The following BCL9 variants were observed in gnomAD, a reference collection of about 807,000 sequenced individuals.
The protein encoded by BCL9 is BCL9 transcription coactivator.
A neutral mutation model predicts 88.5 loss-of-function variants in BCL9; 25 were observed. The observed-to-expected ratio is 0.28, with a 90% CI of 0.21 to 0.39. BCL9 has a LOEUF of 0.39. BCL9 is among the 10% of genes least tolerant of loss of function. BCL9 has a pLI of 1.00. For missense variants in BCL9, 1,817 were observed against 1,877.8 expected, an observed-to-expected ratio of 0.97 and a Z score of 0.60; for synonymous variants, 711 against 673.3, an observed-to-expected ratio of 1.06 and a Z score of -0.87.
intron 1 of BCL9, among the ~76,000 whole-genome samples, chr1:147,569,698 C>T (rs587705164): frequency 1.4e-4 from 21 of 151,988 alleles, no homozygotes; most frequent in South Asian, 8.3e-4. Flanking sequence ...TCTTACAGTA[C>T]TTTGGAATAG....
At chr1:147,590,843 C>G (rs1466099455) in intron 1 of BCL9, among the ~76,000 whole-genome samples, 1 of 152,158 alleles carries the variant, frequency 6.6e-6, no homozygotes, top group Non-Finnish European at 1.5e-5. Flanking sequence ...GATTATTATG[C>G]CCATTATTAT....
intron 1 of BCL9, among the ~76,000 whole-genome samples, chr1:147,555,409 C>A (rs1655062268): frequency 6.6e-6 from 1 of 152,202 alleles, no homozygotes; most frequent in South Asian, 2.1e-4. Context: ...TGTAAGAGAT[C>A]ATCTTGTTTG....
chr1:147,568,668 T>C (rs1655725239), intron 1 of BCL9, among the ~76,000 whole-genome samples: 1 of 152,116 alleles, frequency 6.6e-6, no homozygotes, highest in Admixed American at 6.5e-5. Context: ...TCTTATCTGC[T>C]TCCCTCCCTC....
At chr1:147,565,943 A>G (rs1040408188) in intron 1 of BCL9, among the ~76,000 whole-genome samples, 9 of 152,126 alleles carry the variant, frequency 5.9e-5, no homozygotes, top group African/African-American at 1.7e-4. Flanking sequence ...TAGATAACCA[A>G]CACAATACTT....
chr1:147,552,141 G>A (rs1354510690), intron 1 of BCL9, among the ~76,000 whole-genome samples: 1 of 152,162 alleles, frequency 6.6e-6, no homozygotes, highest in Non-Finnish European at 1.5e-5. Context: ...AATTAATTTG[G>A]TGGTGAAGGG....
Position 147,623,931 on chromosome 1 carries a change from C to G in BCL9, c.3253C>G (p.Pro1085Ala), listed in dbSNP as rs1553205920. The G allele has an allele frequency of 1.2e-6, 2 of 1,614,212 alleles. No individual in the cohort carries two copies. The highest frequency in any genetic ancestry group is 2.2e-5 in the South Asian group (2 of 91,088). The change falls in exon 10 of 10, where the codon CCA becomes GCA. Residue 1085 changes from proline to alanine, a missense_variant. Physicochemically the swap from Pro to Ala is conservative, Grantham distance 27. Around this residue, in one of 2 missense-constraint regions of BCL9, gnomAD observed 589 missense variants for 686.2 expected, o/e 0.86. Coordinates refer to ENST00000234739, the MANE Select transcript of BCL9 (RefSeq NM_004326.4). ...CCTCAGCCCAATGGGAATGACCCAG[C>G]CACTTTCTCACTCCAATCAGATGCC... ...PTLSPMGMTQ[P>A]LSHSNQMPSP...
At chr1:147,559,526 C>T (rs1414785980) in intron 1 of BCL9, among the ~76,000 whole-genome samples, 1 of 152,152 alleles carries the variant, frequency 6.6e-6, no homozygotes, top group African/African-American at 2.4e-5. Context: ...ACAGAATTTC[C>T]CTGTTTGTTA....
chr1:147,587,024 T>TTATCTC (rs1656637554), intron 1 of BCL9, among the ~76,000 whole-genome samples: 1 of 147,668 alleles, frequency 6.8e-6, no homozygotes, highest in Non-Finnish European at 1.5e-5. Context: ...TTCTCTCTCT[T>TTATCTC]TCTCTCTCTC....
intron 1 of BCL9, among the ~76,000 whole-genome samples, chr1:147,578,988 C>G (rs1656233079): frequency 6.6e-6 from 1 of 152,066 alleles, no homozygotes; most frequent in Non-Finnish European, 1.5e-5. Flanking sequence ...GTCTCAGTCT[C>G]CCAAGCAGCT....
intron 5 of BCL9, 80 bp from the exon 6 acceptor site, chr1:147,614,347 G>T (rs1553203295): frequency 7.1e-7 from 1 of 1,404,570 alleles, no homozygotes; most frequent in African/African-American, 1.4e-5. Context: ...CTCAAGGTGG[G>T]TTTGTGTTGT....
At chr1:147,541,927 T>G (rs1209624173) in intron 1 of BCL9, among the ~76,000 whole-genome samples, 3 of 118,996 alleles carry the variant, frequency 2.5e-5, no homozygotes, top group Admixed American at 9.2e-5. Flanking sequence ...GAGGAGGGTG[T>G]GAGGGTGGGA....
intron 4 of BCL9, 117 bp downstream of exon 4, chr1:147,612,006 A>T: frequency 9.5e-7 from 1 of 1,050,804 alleles, no homozygotes; most frequent in East Asian, 2.5e-5. Context: ...CCAAATGGGA[A>T]AGGAAGAGAA....
intron 1 of BCL9, among the ~76,000 whole-genome samples, chr1:147,587,365 T>C (rs940425911): frequency 6.6e-6 from 1 of 152,206 alleles, no homozygotes; most frequent in African/African-American, 2.4e-5. Flanking sequence ...AATGCACGCA[T>C]GAATGAATCT....
chr1:147,568,565 C>T (rs1240355825), intron 1 of BCL9, among the ~76,000 whole-genome samples: 1 of 150,668 alleles, frequency 6.6e-6, no homozygotes, highest in African/African-American at 2.4e-5. Context: ...GTACACCTAC[C>T]GAGGGGGATT....
intron 7 of BCL9, among the ~76,000 whole-genome samples, chr1:147,616,797 G>A (rs1658307184): frequency 6.6e-6 from 1 of 151,278 alleles, no homozygotes; most frequent in Non-Finnish European, 1.5e-5. Context: ...TACAGTGGAT[G>A]TTTTAATGCA....
chr1:147,560,447 G>A (rs1217647646), intron 1 of BCL9, among the ~76,000 whole-genome samples: 1 of 151,862 alleles, frequency 6.6e-6, no homozygotes, highest in African/African-American at 2.4e-5. Flanking sequence ...AAAATTAGCT[G>A]GGCTTGGTGG....
In BCL9 at chr1:147,619,962, C is replaced by A; in HGVS notation, c.1807C>A (p.Arg603=). 6.2e-7 allele frequency: 1 copy of A among 1,614,138 alleles called. No individual in the cohort carries two copies. The highest frequency in any genetic ancestry group is 1.3e-5 in the African/African-American group (1 of 75,048). Residue 603 remains arginine, a synonymous_variant, in exon 8 of 10, where the codon CGA becomes AGA. Coordinates refer to ENST00000234739, the MANE Select transcript of BCL9 (RefSeq NM_004326.4). The surrounding 1 kb of genome is among the most constrained non-coding windows in gnomAD (Gnocchi z 4.1). ...PDDVPKIPDG[R]NFPPGQGIFS... is the part of the protein sequence containing the mutation. ...TGATGTGCCAAAAATCCCAGATGGT[C>A]GAAATTTTCCTCCTGGCCAGGGCAT...
chr1:147,599,525 G>A, intron 1 of BCL9, among the ~76,000 whole-genome samples: 1 of 152,070 alleles, frequency 6.6e-6, no homozygotes, highest in Non-Finnish European at 1.5e-5. Context: ...GACTGCGCGA[G>A]GCGGCGGGAA....
chr1:147,562,902 A>C (rs1655441766), intron 1 of BCL9, among the ~76,000 whole-genome samples: 1 of 152,220 alleles, frequency 6.6e-6, no homozygotes, highest in African/African-American at 2.4e-5. Flanking sequence ...GCGTGGTGGA[A>C]GCCCTACAGG....
Sources: gnomAD v4.1 joint callset for allele counts (sites outside exome capture counted in the v4.1 genomes callset) on GRCh38, gnomAD v4.1.1 for gene constraint, gnomAD v4.1.1 regional missense constraint, Gnocchi (gnomAD v3.1) non-coding constraint, MANE v1.5 for transcripts, NCBI Gene and HGNC (gene_info 2026-07-23, HGNC 2026-07-21) for gene names.